UNC13B: variants seen among roughly 807,000 people sequenced by gnomAD.
UNC13B encodes protein unc-13 homolog B.
A neutral mutation model predicts 211.0 loss-of-function variants in UNC13B; 144 were observed. That is an observed-to-expected ratio of 0.68 (90% CI 0.60 to 0.78). The LOEUF is 0.78. Among genes scored for constraint, UNC13B ranks in the 30% least tolerant of loss-of-function variants. UNC13B has a pLI of 0.00. For synonymous variants in UNC13B, 709 were observed against 725.8 expected, an observed-to-expected ratio of 0.98 and a Z score of 0.37; for missense variants, 1,777 against 2,002.0, an observed-to-expected ratio of 0.89 and a Z score of 2.14.
chr9:35,197,716 G>A (rs1425345798), intron 1 of UNC13B, among the ~76,000 whole-genome samples: 2 of 151,564 alleles, frequency 1.3e-5, no homozygotes, highest in East Asian at 2.0e-4. Context: ...CAGTGAGTTC[G>A]TTCTCATGAG....
chr9:35,334,566 C>G (rs1196760892), intron 11 of UNC13B, among the ~76,000 whole-genome samples: 1 of 152,192 alleles, frequency 6.6e-6, no homozygotes. Context: ...GACCCCATTC[C>G]TGGCCACTTA....
At chr9:35,222,284 T>C (rs372098233) in intron 1 of UNC13B, among the ~76,000 whole-genome samples, 2 of 152,176 alleles carry the variant, frequency 1.3e-5, no homozygotes, top group South Asian at 2.1e-4. Flanking sequence ...CTTCCAAACA[T>C]TGACCATGGT....
At chr9:35,196,890 C>T (rs1281970671) in intron 1 of UNC13B, among the ~76,000 whole-genome samples, 1 of 150,962 alleles carries the variant, frequency 6.6e-6, no homozygotes, top group East Asian at 2.0e-4. Flanking sequence ...CCCACCTCAG[C>T]CTCCAGAGAA....
chr9:35,367,333 T>G (rs1331793521), intron 12 of UNC13B, among the ~76,000 whole-genome samples: 1 of 152,206 alleles, frequency 6.6e-6, no homozygotes, highest in Admixed American at 6.5e-5. Context: ...ATATCTGCAT[T>G]TGGAAACATT....
In UNC13B at chr9:35,308,150, G is replaced by A; in HGVS notation, c.8746G>A (p.Ala2916Thr). The change falls in exon 9 of 40, where the codon GCT becomes ACT. Residue 2916 changes from alanine to threonine, a missense_variant. Physicochemically the swap from Ala to Thr is moderately conservative, Grantham distance 58. Transcript: ENST00000635942. ...EQLVASPEVC[A>T]QGLSGSGEGG... ...GCTGGTGGCCAGTCCAGAGGTCTGT[G>A]CTCAGGGGCTTTCAGGGTCTGGAGA... is the stretch of plus-strand genomic sequence containing the variant. The A allele has an allele frequency of 2.5e-6, 1 of 399,542 alleles. No homozygotes were observed. The highest frequency in any genetic ancestry group is 4.4e-6 in the Non-Finnish European group (1 of 226,502). The allele number at this position is 399,542 out of a possible 1,614,324, so 24.7% of individuals were successfully genotyped here. A position where few individuals can be genotyped will look rare whatever the true frequency, so the allele number is the denominator to read the frequency against.
rs777451159 is a variant in UNC13B at position 35,386,280 on chromosome 9, G to A, written c.11081G>A (p.Arg3694His). Reference protein sequence around the residue: ...IFNNCHDLYSRQYQLKQELPP... With the variant: ...IFNNCHDLYSHQYQLKQELPP... ...AACAACTGCCACGACTTATACAGCC[G>A]CCAGTACCAGCTGGTAAGAGGTTCA... The change falls in exon 24 of 40, where the codon CGC (arginine) becomes CAC (histidine). Residue 3694 changes from arginine to histidine, a missense_variant. Coordinates refer to ENST00000635942, the MANE Select transcript of UNC13B (RefSeq NM_001371189.2). The A allele has an allele frequency of 9.9e-6, 16 of 1,613,938 alleles. No homozygotes were observed. Among genetic ancestry groups the A allele is most frequent in the Admixed American group, 1.7e-5 (1 of 59,996 alleles).
chr9:35,220,793 T>C (rs551273657), intron 1 of UNC13B, among the ~76,000 whole-genome samples: 1 of 152,216 alleles, frequency 6.6e-6, no homozygotes, highest in Non-Finnish European at 1.5e-5. Flanking sequence ...GATTGCAGGA[T>C]CATATCGTAG....
At chr9:35,298,384 G>A (rs1829501828) in intron 8 of UNC13B, among the ~76,000 whole-genome samples, 1 of 152,176 alleles carries the variant, frequency 6.6e-6, no homozygotes, top group Non-Finnish European at 1.5e-5. Context: ...TTGCACCACT[G>A]CACTCCAGCC....
At chr9:35,225,989 C>T (rs1045378099) in intron 1 of UNC13B, among the ~76,000 whole-genome samples, 34 of 152,084 alleles carry the variant, frequency 2.2e-4, no homozygotes, top group African/African-American at 8.0e-4. Context: ...ATAAGCTAGT[C>T]CCTAGACCTC....
chr9:35,266,288 A>T (rs1306457732), intron 7 of UNC13B, among the ~76,000 whole-genome samples: 2 of 152,168 alleles, frequency 1.3e-5, no homozygotes, highest in Non-Finnish European at 2.9e-5. Context: ...CTTCATGTGG[A>T]TGGCCCCTCC....
At chr9:35,251,778 A>G (rs1826506753) in intron 6 of UNC13B, among the ~76,000 whole-genome samples, 1 of 152,088 alleles carries the variant, frequency 6.6e-6, no homozygotes, top group South Asian at 2.1e-4. Flanking sequence ...GTGTTTTCAT[A>G]GTTGATTTTT....
At chr9:35,250,039 G>A (rs1036664746) in intron 6 of UNC13B, among the ~76,000 whole-genome samples, 6 of 151,748 alleles carry the variant, frequency 4.0e-5, no homozygotes, top group African/African-American at 1.5e-4. Context: ...TCATAGTTGT[G>A]CCCTATGGAT....
intron 6 of UNC13B, among the ~76,000 whole-genome samples, chr9:35,253,807 T>C (rs746944974): frequency 2.0e-5 from 3 of 152,200 alleles, no homozygotes; most frequent in Non-Finnish European, 4.4e-5. Context: ...TGACAGAGTC[T>C]CTGGGTGTAT....
Position 35,403,730 on chromosome 9 carries a change from T to C in UNC13B, c.12738-18T>C. The C allele has an allele frequency of 6.2e-7, 1 of 1,613,526 alleles. No individual in the cohort carries two copies. Reference sequence around the variant, plus strand: ...AAGACTCAACTCTGGCCTCATAACTTCTATCTTGTGCTCACAGCCTCCTGG... The same window carrying C: ...AAGACTCAACTCTGGCCTCATAACTCCTATCTTGTGCTCACAGCCTCCTGG... On this transcript the variant is annotated intron_variant, in intron 39 of 39. Transcript: ENST00000635942.
intron 11 of UNC13B, among the ~76,000 whole-genome samples, chr9:35,362,384 C>T (rs1833477669): frequency 6.6e-6 from 1 of 152,064 alleles, no homozygotes; most frequent in African/African-American, 2.4e-5. Context: ...ACACACTAAG[C>T]AGTGGTTAAT....
chr9:35,186,458 T>C (rs1027515454), intron 1 of UNC13B, among the ~76,000 whole-genome samples: 5 of 152,214 alleles, frequency 3.3e-5, no homozygotes, highest in African/African-American at 9.6e-5. Context: ...GAAGAATCTG[T>C]GTTGTCTGCG....
In UNC13B at chr9:35,302,669, C is replaced by T; in HGVS notation, c.3265C>T (p.His1089Tyr). 1 of 398,612 alleles carries T rather than the reference C, an allele frequency of 2.5e-6. No individual in the cohort carries two copies. Among genetic ancestry groups the T allele is most frequent in the Admixed American group, 4.4e-5 (1 of 22,700 alleles). The allele number at this position is 398,612 out of a possible 1,614,324, so 24.7% of individuals were successfully genotyped here. A position where few individuals can be genotyped will look rare whatever the true frequency, so the allele number is the denominator to read the frequency against. ...CATCCCTGGAGTTGTGCCCAAAGAA[C>T]ATATAACTTCAGATCCTTTAGGAGA... ...LAIPGVVPKEHITSDPLGEDK... is the reference protein window; with the variant it reads ...LAIPGVVPKEYITSDPLGEDK... The change falls in exon 9 of 40, where the codon CAT becomes TAT. Residue 1089 changes from histidine to tyrosine, a missense_variant. His to Tyr is a moderately conservative substitution (Grantham distance 83, BLOSUM62 2). Transcript: ENST00000635942.
At chr9:35,339,933 G>C (rs182657129) in intron 11 of UNC13B, among the ~76,000 whole-genome samples, 35 of 152,356 alleles carry the variant, frequency 2.3e-4, no homozygotes, top group Non-Finnish European at 2.2e-4. Context: ...TTGAAAGTTT[G>C]AGCTTCTCCT....
chr9:35,190,374 C>T (rs7048427), intron 1 of UNC13B, among the ~76,000 whole-genome samples: 151,714 of 152,316 alleles, frequency 1, 75,557 homozygotes, highest in East Asian at 1. Context: ...TAAAGTATAT[C>T]TCCTACCTAG....
Sources: gnomAD v4.1 joint callset for allele counts (sites outside exome capture counted in the v4.1 genomes callset) on GRCh38, gnomAD v4.1.1 for gene constraint, MANE v1.5 for transcripts, NCBI Gene and HGNC (gene_info 2026-07-23, HGNC 2026-07-21) for gene names.